The following LRRC4C variants were observed in gnomAD, a reference collection of about 807,000 sequenced individuals.
The protein encoded by LRRC4C is leucine-rich repeat-containing protein 4C.
LRRC4C carries 5 observed loss-of-function variants against 33.6 expected under a neutral mutation model. The observed-to-expected ratio is 0.15, with a 90% CI of 0.08 to 0.31. The LOEUF (loss-of-function observed/expected upper bound fraction) is 0.31. Ranked by LOEUF, LRRC4C falls within the 10% of genes least tolerant of loss-of-function variation. The pLI is 1.00. For synonymous variants in LRRC4C, 329 were observed against 302.0 expected (o/e 1.09, Z -0.93); for missense variants, 560 against 796.7 (o/e 0.70, Z 3.58).
intron 1 of LRRC4C, among the ~76,000 whole-genome samples, chr11:41,106,288 G>A (rs1237127466): frequency 6.6e-6 from 1 of 151,724 alleles, no homozygotes; most frequent in Non-Finnish European, 1.5e-5. Flanking sequence ...GATGAGAAAT[G>A]GGGTATAGCA....
intron 3 of LRRC4C, among the ~76,000 whole-genome samples, chr11:40,608,825 G>A (rs964408400): frequency 6.6e-6 from 1 of 152,030 alleles, no homozygotes; most frequent in African/African-American, 2.4e-5. Context: ...AATGACACAA[G>A]AGACAGAGAA....
intron 1 of LRRC4C, among the ~76,000 whole-genome samples, chr11:41,253,850 A>T (rs893604164): frequency 1.3e-5 from 2 of 152,130 alleles, no homozygotes; most frequent in African/African-American, 4.8e-5. Context: ...CGGCAGTTTT[A>T]GAATAAGGAT....
intron 1 of LRRC4C, among the ~76,000 whole-genome samples, chr11:40,992,658 G>A (rs1343082495): frequency 3.3e-5 from 5 of 151,976 alleles, no homozygotes; most frequent in Non-Finnish European, 7.4e-5. Flanking sequence ...ATTGATCCTG[G>A]TAACATGCTC....
At chr11:41,388,596 G>T (rs1953456702) in intron 1 of LRRC4C, among the ~76,000 whole-genome samples, 1 of 151,904 alleles carries the variant, frequency 6.6e-6, no homozygotes, top group African/African-American at 2.4e-5. Flanking sequence ...TGAAGAATCA[G>T]TTGAATTAGC....
intron 1 of LRRC4C, among the ~76,000 whole-genome samples, chr11:41,433,794 C>T (rs977759077): frequency 2.0e-5 from 3 of 149,000 alleles, no homozygotes; most frequent in African/African-American, 7.4e-5. Flanking sequence ...AATAAACTCC[C>T]ATATATATGT....
At chr11:41,311,700 T>G (rs1205177988) in intron 1 of LRRC4C, among the ~76,000 whole-genome samples, 2 of 152,230 alleles carry the variant, frequency 1.3e-5, no homozygotes, top group African/African-American at 2.4e-5. Context: ...TGTATCATTA[T>G]TTTACCAGCT....
intron 1 of LRRC4C, among the ~76,000 whole-genome samples, chr11:40,990,609 T>C (rs138819002): frequency 5.3e-5 from 8 of 152,262 alleles, no homozygotes; most frequent in African/African-American, 1.9e-4. Flanking sequence ...TTCATAATGA[T>C]ACTAAGACAT....
chr11:41,155,579 G>A (rs928907291), intron 1 of LRRC4C, among the ~76,000 whole-genome samples: 1 of 152,084 alleles, frequency 6.6e-6, no homozygotes, highest in Non-Finnish European at 1.5e-5. Context: ...TCCGTTGAGA[G>A]ATTTTGGATT....
chr11:40,502,314 T>G (rs1390550310), intron 3 of LRRC4C, among the ~76,000 whole-genome samples: 1 of 152,190 alleles, frequency 6.6e-6, no homozygotes, highest in Admixed American at 6.5e-5. Context: ...TCCATATTTT[T>G]GGGTATCTTT....
chr11:41,197,125 C>A (rs1946210881), intron 1 of LRRC4C, among the ~76,000 whole-genome samples: 1 of 152,040 alleles, frequency 6.6e-6, no homozygotes. Flanking sequence ...AGCTACACTT[C>A]CCTTCAAGTG....
At chr11:41,047,115 T>C (rs1358177969) in intron 1 of LRRC4C, among the ~76,000 whole-genome samples, 1 of 152,058 alleles carries the variant, frequency 6.6e-6, no homozygotes, top group Non-Finnish European at 1.5e-5. Context: ...AAATCATATC[T>C]CTAATAAGGA....
chr11:41,374,737 G>C (rs1952874627), intron 1 of LRRC4C, among the ~76,000 whole-genome samples: 1 of 152,090 alleles, frequency 6.6e-6, no homozygotes, highest in Admixed American at 6.5e-5. Context: ...AATTTTGTTA[G>C]GTGTAAAAAT....
At chr11:40,605,131 G>A (rs920993140) in intron 3 of LRRC4C, among the ~76,000 whole-genome samples, 3 of 152,116 alleles carry the variant, frequency 2.0e-5, no homozygotes, top group Admixed American at 6.5e-5. Context: ...TGGAAATTGA[G>A]GGTGAGAGAT....
intron 1 of LRRC4C, among the ~76,000 whole-genome samples, chr11:41,157,934 A>G (rs1347957209): frequency 1.3e-5 from 2 of 152,108 alleles, no homozygotes; most frequent in Non-Finnish European, 2.9e-5. Context: ...TAAATGTATA[A>G]TTAAATTATT....
At chr11:40,524,319 C>T (rs998892757) in intron 3 of LRRC4C, among the ~76,000 whole-genome samples, 1 of 152,042 alleles carries the variant, frequency 6.6e-6, no homozygotes, top group African/African-American at 2.4e-5. Flanking sequence ...AAAAGAAATA[C>T]CACAGTAGAT....
chr11:40,908,082 A>C (rs1313279006), intron 2 of LRRC4C, among the ~76,000 whole-genome samples: 2 of 152,180 alleles, frequency 1.3e-5, no homozygotes, highest in East Asian at 3.8e-4. Context: ...TTTCACATTG[A>C]ATAGTCACTA....
intron 2 of LRRC4C, among the ~76,000 whole-genome samples, chr11:40,774,508 T>C (rs919669351): frequency 7.2e-5 from 11 of 152,270 alleles, no homozygotes; most frequent in African/African-American, 2.6e-4. Context: ...ATTTACATAA[T>C]CTTGGATGGA....
chr11:40,682,325 G>A (rs1439418248), intron 2 of LRRC4C, among the ~76,000 whole-genome samples: 3 of 150,346 alleles, frequency 2.0e-5, no homozygotes, highest in Non-Finnish European at 4.4e-5. Context: ...GGTAAATAAA[G>A]TATTCAATAG....
chr11:40,632,185 C>A (rs115100538), intron 3 of LRRC4C, among the ~76,000 whole-genome samples: 1 of 152,100 alleles, frequency 6.6e-6, no homozygotes, highest in Non-Finnish European at 1.5e-5. Context: ...AAAATACAGC[C>A]GTGTATTGAA....
Sources: gnomAD v4.1 joint callset for allele counts (sites outside exome capture counted in the v4.1 genomes callset) on GRCh38, gnomAD v4.1.1 for gene constraint, MANE v1.5 for transcripts, NCBI Gene and HGNC (gene_info 2026-07-23, HGNC 2026-07-21) for gene names.